The following ST14 variants were observed in gnomAD, a reference collection of about 807,000 sequenced individuals.
ST14 encodes the protein suppressor of tumorigenicity 14 protein.
Under a neutral mutation model 96.5 loss-of-function variants are expected in ST14, and 40 were observed. The ratio of observed to expected loss-of-function variants is 0.41; its 90% CI spans 0.32 to 0.54. The LOEUF (loss-of-function observed/expected upper bound fraction) is 0.54. ST14 is among the 20% of genes least tolerant of loss of function. ST14 has a pLI of 0.17. For missense variants in ST14, 1,066 were observed against 1,188.9 expected (o/e 0.90, Z 1.52); for synonymous variants, 506 against 492.1 (o/e 1.03, Z -0.37).
intron 17 of ST14, 135 bp from the exon 18 acceptor site, chr11:130,209,307 C>A: frequency 8.4e-7 from 1 of 1,195,294 alleles, no homozygotes. Context: ...TGAGTAGACG[C>A]GGATTACCCG....
rs202087000 is a variant in ST14, at chr11:130,198,493, C to A, written c.1571-15C>A. 2,363 of 1,613,800 alleles carry A rather than the reference C, an allele frequency of 1.5e-3. 2 individuals carry two copies. The highest frequency in any genetic ancestry group is 1.7e-3 in the Non-Finnish European group (1,997 of 1,179,820). ...GACGGTGGCTCCTGGTGGCTGAGTC[C>A]TGGTGCCTCTCCAGGTTGTCCGGCC... On this transcript the variant is annotated splice_polypyrimidine_tract_variant and intron_variant, in intron 13 of 18. Coordinates refer to ENST00000278742, the MANE Select transcript of ST14 (RefSeq NM_021978.4).
In ST14 at chr11:130,199,895, T is replaced by G. The variant is rs613501; in HGVS notation, c.1808-56T>G. 1,593,416 of 1,607,884 alleles carry G rather than the reference T, an allele frequency of 0.99. 789,560 individuals are homozygous for G. The highest frequency in any genetic ancestry group is 1 in the East Asian group (44,840 of 44,840). On this transcript the variant is annotated intron_variant, in intron 15 of 18. Transcript: ENST00000278742. ...CTGGCACACACTGCATGTCCCCTTG[T>G]GGTTTGATGTCCCCACCTTGACTTG...
At position 130,194,751 on chromosome 11, in the gene ST14, G is replaced by GA. The variant is rs1953340634; in HGVS notation, c.1113+14_1113+15insA. 1 of 1,613,480 alleles carries GA rather than the reference G, an allele frequency of 6.2e-7. No homozygotes were observed. The highest frequency in any genetic ancestry group is 8.5e-7 in the Non-Finnish European group (1 of 1,179,546). The stretch of plus-strand genomic sequence containing the variant: ...TGGAACATTGAGGTAGGAGCTATGG[G>GA]GCGTGTGAACGTGTGTGTGTGTGAG... On this transcript the variant is annotated intron_variant, in intron 9 of 18. Coordinates refer to ENST00000278742, the MANE Select transcript of ST14 (RefSeq NM_021978.4).
At chr11:130,207,182 T>C (rs978525725) in intron 16 of ST14, among the ~76,000 whole-genome samples, 1 of 152,216 alleles carries the variant, frequency 6.6e-6, no homozygotes, top group Admixed American at 6.5e-5. Context: ...CCTGGTTCCT[T>C]TCAATAGAGA....
intron 1 of ST14, among the ~76,000 whole-genome samples, chr11:130,179,447 T>A (rs1953170520): frequency 6.6e-6 from 1 of 152,158 alleles, no homozygotes; most frequent in African/African-American, 2.4e-5. Flanking sequence ...TTCTTTTCCT[T>A]TCTCATTTGC....
chr11:130,191,542 C>T (rs781125315), intron 7 of ST14, among the ~76,000 whole-genome samples: 3 of 150,038 alleles, frequency 2.0e-5, no homozygotes, highest in Admixed American at 6.6e-5. Flanking sequence ...ATACAAAAAT[C>T]AGCTGGGTGT....
intron 7 of ST14, among the ~76,000 whole-genome samples, chr11:130,191,963 T>C (rs1401523732): frequency 6.6e-6 from 1 of 152,182 alleles, no homozygotes; most frequent in Non-Finnish European, 1.5e-5. Context: ...CTTTCCTATC[T>C]CTAAGCATTG....
intron 13 of ST14, 26 bp from the exon 14 acceptor site, chr11:130,198,482 G>C: frequency 6.2e-7 from 1 of 1,613,592 alleles, no homozygotes. Context: ...GTGGCTCCTG[G>C]TGGCTGAGTC....
chr11:130,182,606 C>A (rs919531090), intron 1 of ST14, among the ~76,000 whole-genome samples: 4 of 150,810 alleles, frequency 2.7e-5, no homozygotes, highest in Admixed American at 2.6e-4. Context: ...CTTGGCCTTT[C>A]ACAGTGCAAG....
At chr11:130,194,581 C>T in intron 8 of ST14, 59 bp from the exon 9 acceptor site, 2 of 1,560,922 alleles carry the variant, frequency 1.3e-6, no homozygotes, top group Non-Finnish European at 1.8e-6. Flanking sequence ...GAGCCCTCGT[C>T]CGCCTGCTCG....
chr11:130,171,605 A>T (rs1953092988), intron 1 of ST14, among the ~76,000 whole-genome samples: 1 of 152,182 alleles, frequency 6.6e-6, no homozygotes. Context: ...GATCAAAGAT[A>T]ACCAGGTCCC....
At chr11:130,161,777 G>A (rs1451722966) in intron 1 of ST14, among the ~76,000 whole-genome samples, 1 of 152,116 alleles carries the variant, frequency 6.6e-6, no homozygotes, top group Non-Finnish European at 1.5e-5. Context: ...GAGCTTTATT[G>A]AACTAACTCA....
Position 130,194,339 on chromosome 11 carries a change from GA to G in ST14, c.1015+53del, listed in dbSNP as rs1953336599. The G allele has an allele frequency of 1.9e-6, 3 of 1,610,828 alleles. No homozygotes were observed. The South Asian group carries it at 3.3e-5, about 18-fold the overall frequency. ...ACTGCCCTCGGGCCACAGAGAAGGG[GA>G]AGGCCTTAGTGGGGGTGACCTGAGC... On this transcript the variant is annotated intron_variant, in intron 8 of 18. Transcript: ENST00000278742.
At chr11:130,178,514 G>C (rs778086119) in intron 1 of ST14, among the ~76,000 whole-genome samples, 27 of 146,952 alleles carry the variant, frequency 1.8e-4, no homozygotes, top group Non-Finnish European at 3.5e-4. Flanking sequence ...GACGGGACTT[G>C]AAACCTGCAG....
chr11:130,198,817 G>A (rs1405283079), intron 14 of ST14, 130 bp from the exon 15 acceptor site: 1 of 1,580,164 alleles, frequency 6.3e-7, no homozygotes, highest in African/African-American at 1.3e-5. Flanking sequence ...GGAGGCCAGT[G>A]GGCGTGGGTG....
At position 130,188,486 on chromosome 11, in the gene ST14, G is replaced by T. The variant is rs761025183; in HGVS notation, c.242-44G>T. 2 of 1,610,788 alleles carry T rather than the reference G, an allele frequency of 1.2e-6. No homozygotes were observed. Among genetic ancestry groups the T allele is most frequent in the Non-Finnish European group, 8.5e-7 (1 of 1,179,838 alleles). On this transcript the variant is annotated intron_variant, in intron 2 of 18. Coordinates refer to ENST00000278742, the MANE Select transcript of ST14 (RefSeq NM_021978.4). This position sits in a 1 kb window ranked among gnomAD's most constrained non-coding sequence, Gnocchi z 5.4. ...TGTGGACGGCGAGGGACAGGCGGGG[G>T]TGGTACCACCTCCCCTGACTGAGCG...
rs775632151 is a variant in ST14, at chr11:130,209,480, G to A, written c.2308G>A (p.Val770Ile). ...ALILQKGEIR[V>I]INQTTCENLL... ...GATCCTGCAAAAGGGTGAGATCCGCGTCATCAACCAGACCACCTGCGAGAA... is the reference window on the plus strand; with the variant it reads ...GATCCTGCAAAAGGGTGAGATCCGCATCATCAACCAGACCACCTGCGAGAA... The change falls in exon 18 of 19, where the codon GTC becomes ATC. Residue 770 changes from valine to isoleucine, a missense_variant. Val to Ile is a conservative substitution (Grantham distance 29). Transcript: ENST00000278742. The A allele has an allele frequency of 7.6e-6, 12 of 1,586,384 alleles. No homozygotes were observed. In the Admixed American group the frequency reaches 2.0e-4, roughly 26 times the overall value.
At chr11:130,173,778 G>A (rs1953113950) in intron 1 of ST14, among the ~76,000 whole-genome samples, 1 of 152,044 alleles carries the variant, frequency 6.6e-6, no homozygotes, top group South Asian at 2.1e-4. Flanking sequence ...ATGGCTCCAG[G>A]AGGGCTCTGC....
intron 16 of ST14, among the ~76,000 whole-genome samples, chr11:130,207,891 T>G (rs937216942): frequency 6.6e-6 from 1 of 152,124 alleles, no homozygotes; most frequent in African/African-American, 2.4e-5. Flanking sequence ...ACCACCATGA[T>G]GAAATCCCGT....
Sources: gnomAD v4.1 joint callset for allele counts (sites outside exome capture counted in the v4.1 genomes callset) on GRCh38, gnomAD v4.1.1 for gene constraint, Gnocchi (gnomAD v3.1) non-coding constraint, MANE v1.5 for transcripts, NCBI Gene and HGNC (gene_info 2026-07-23, HGNC 2026-07-21) for gene names.